The following BACE1 variants were observed in gnomAD, a reference collection of about 807,000 sequenced individuals.
BACE1 encodes the protein beta-secretase 1, also known as APP beta-secretase.
In BACE1, 21 loss-of-function variants were observed where a neutral mutation model predicts 54.0. That is an observed-to-expected ratio of 0.39 (90% CI 0.28 to 0.56). The LOEUF is 0.56. Among genes scored for constraint, BACE1 ranks in the 20% least tolerant of loss-of-function variants. The probability of loss-of-function intolerance (pLI) is 0.63; values close to 1 mark genes in which losing one functional copy is unlikely to be tolerated. For missense variants in BACE1, 511 were observed against 661.2 expected, an observed-to-expected ratio of 0.77 and a Z score of 2.49; for synonymous variants, 232 against 260.9, an observed-to-expected ratio of 0.89 and a Z score of 1.07.
chr11:117,304,041 T>G (rs1339615827), intron 1 of BACE1, among the ~76,000 whole-genome samples: 1 of 152,214 alleles, frequency 6.6e-6, no homozygotes, highest in Non-Finnish European at 1.5e-5. Flanking sequence ...GATAGATTGT[T>G]ATACTAATGA....
intron 1 of BACE1, among the ~76,000 whole-genome samples, chr11:117,300,003 T>TG (rs1329361692): frequency 2.0e-5 from 3 of 151,976 alleles, no homozygotes; most frequent in African/African-American, 4.8e-5. Context: ...AGCTTTGACC[T>TG]GGGGGCTCCT....
rs578168194 is a variant in BACE1, at chr11:117,300,017, G to A, written c.262-3056C>T. Among the ~76,000 whole-genome samples, 303 of 151,506 alleles carry A rather than the reference G, an allele frequency of 2.0e-3. 2 individuals are homozygous for A. Among genetic ancestry groups the A allele is most frequent in the African/African-American group, 7.1e-3 (291 of 41,274 alleles). Reference sequence around the variant, plus strand: ...GAGCTTTGACCTGGGGGCTCCTGCTGTCCCTGCCCCTCCCTGCCTCCCCCT... The same window carrying A: ...GAGCTTTGACCTGGGGGCTCCTGCTATCCCTGCCCCTCCCTGCCTCCCCCT... On this transcript the variant is annotated intron_variant, in intron 1 of 8. Coordinates refer to ENST00000313005, the MANE Select transcript of BACE1 (RefSeq NM_012104.6).
At position 117,290,988 on chromosome 11, in the gene BACE1, G is replaced by C. The variant is rs149860623; in HGVS notation, c.1004C>G (p.Thr335Ser). The change falls in exon 7 of 9, where the codon ACC (threonine) becomes AGC (serine). Residue 335 changes from threonine to serine, a missense_variant. Around this residue, in one of 2 missense-constraint regions of BACE1, gnomAD observed 407 missense variants for 565.7 expected, o/e 0.72. Coordinates refer to ENST00000313005, the MANE Select transcript of BACE1 (RefSeq NM_012104.6). ...GACTGGGAAAATGTTCCAAGGGGTG[G>C]TGCCTGCTTGCCAGCACACCAGCTG... Reference protein sequence around the residue: ...GEQLVCWQAGTTPWNIFPVIS... With the variant: ...GEQLVCWQAGSTPWNIFPVIS... The C allele has an allele frequency of 1.5e-5, 24 of 1,614,188 alleles. No individual in the cohort carries two copies. Among genetic ancestry groups the C allele is most frequent in the Non-Finnish European group, 1.9e-5 (23 of 1,180,028 alleles).
intron 2 of BACE1, among the ~76,000 whole-genome samples, chr11:117,295,938 T>C (rs1012701943): frequency 2.0e-5 from 3 of 152,202 alleles, no homozygotes; most frequent in African/African-American, 4.8e-5. Context: ...CCAGGGCTTC[T>C]GTGTGTGGTG....
At position 117,295,244 on chromosome 11, in the gene BACE1, G is replaced by C; in HGVS notation, c.454C>G (p.Pro152Ala). Reference sequence around the variant, plus strand: ...ATGTTGGCACGCACAGTGACGTTGGGGCCATGGGGGATGCTTACCAGGTCG... The same window carrying C: ...ATGTTGGCACGCACAGTGACGTTGGCGCCATGGGGGATGCTTACCAGGTCG... ...GTDLVSIPHG[P>A]NVTVRANIAA... The change falls in exon 3 of 9, where the codon CCC becomes GCC. Residue 152 changes from proline (P) to alanine (A), a missense_variant. Physicochemically the swap from Pro to Ala is conservative, Grantham distance 27. This residue lies in a region of BACE1 where 407 missense variants were observed against 565.7 expected (regional missense o/e 0.72). Transcript: ENST00000313005. 1 of 1,614,160 alleles carries C rather than the reference G, an allele frequency of 6.2e-7. No homozygotes were observed. Among genetic ancestry groups the C allele is most frequent in the South Asian group, 1.1e-5 (1 of 91,080 alleles).
At chr11:117,304,579 A>G (rs1016454982) in intron 1 of BACE1, among the ~76,000 whole-genome samples, 1 of 152,216 alleles carries the variant, frequency 6.6e-6, no homozygotes, top group Admixed American at 6.5e-5. Context: ...AAGTTTCCCG[A>G]AAGCACGATG....
chr11:117,307,529 C>G (rs1199322803), intron 1 of BACE1, among the ~76,000 whole-genome samples: 1 of 152,188 alleles, frequency 6.6e-6, no homozygotes, highest in African/African-American at 2.4e-5. Context: ...CCATGCTGGT[C>G]TTGAACTCCT....
chr11:117,307,866 TG>T (rs2034865035), intron 1 of BACE1, among the ~76,000 whole-genome samples: 3 of 152,294 alleles, frequency 2.0e-5, no homozygotes, highest in African/African-American at 7.2e-5. Flanking sequence ...TGGCAGGGAC[TG>T]GGTAGGCAAC....
chr11:117,310,388 T>C (rs2034919790), intron 1 of BACE1, among the ~76,000 whole-genome samples: 2 of 152,182 alleles, frequency 1.3e-5, no homozygotes, highest in African/African-American at 4.8e-5. Context: ...GAGAGGATAC[T>C]GCAAAATAAA....
intron 1 of BACE1, among the ~76,000 whole-genome samples, chr11:117,299,403 C>T (rs1313937121): frequency 6.6e-6 from 1 of 152,058 alleles, no homozygotes; most frequent in Non-Finnish European, 1.5e-5. Context: ...GATCACTGTG[C>T]TTCTCTGGAC....
intron 1 of BACE1, among the ~76,000 whole-genome samples, chr11:117,304,409 T>C (rs2034787158): frequency 6.6e-6 from 1 of 152,242 alleles, no homozygotes; most frequent in Non-Finnish European, 1.5e-5. Context: ...TGATTCTTGT[T>C]TGGGCCACTA....
chr11:117,310,938 C>A (rs191710767), intron 1 of BACE1, among the ~76,000 whole-genome samples: 1 of 151,818 alleles, frequency 6.6e-6, no homozygotes, highest in Non-Finnish European at 1.5e-5. Flanking sequence ...ACCTTTCAAC[C>A]CCATTTCTTC....
In BACE1 at chr11:117,291,818, G is replaced by A; in HGVS notation, c.841-5C>T. 6.3e-7 allele frequency: 1 copy of A among 1,599,168 alleles called. No individual in the cohort carries two copies. On this transcript the variant is annotated splice_region_variant and splice_polypyrimidine_tract_variant and intron_variant, in intron 5 of 8. Coordinates refer to ENST00000313005, the MANE Select transcript of BACE1 (RefSeq NM_012104.6). ...AATGCTCTTGTCATAGTTGTACTAA[G>A]AGGGAAAAGAGAGAGTTAAAAGAGT...
Position 117,296,951 on chromosome 11 carries a change from A to G in BACE1, c.272T>C (p.Leu91Pro). 6.2e-7 allele frequency: 1 copy of G among 1,613,754 alleles called. No homozygotes were observed. The highest frequency in any genetic ancestry group is 8.5e-7 in the Non-Finnish European group (1 of 1,179,790). The stretch of plus-strand genomic sequence containing the variant: ...AAAGTTACTGCTGCCTGTATCCACC[A>G]GGATGTTGAGCTGTCAGAGAAAGGG... Reference protein sequence around the residue: ...VGSPPQTLNILVDTGSSNFAV... With the variant: ...VGSPPQTLNIPVDTGSSNFAV... Residue 91 changes from leucine to proline, a missense_variant, in exon 2 of 9, where the codon CTG (leucine) becomes CCG (proline). Physicochemically the swap from Leu to Pro is moderately conservative, Grantham distance 98. Transcript: ENST00000313005.
intron 1 of BACE1, among the ~76,000 whole-genome samples, chr11:117,313,107 AC>A (rs2034989176): frequency 1.3e-5 from 2 of 152,218 alleles, no homozygotes; most frequent in Non-Finnish European, 2.9e-5. Context: ...TTTGGCACTT[AC>A]AACAGCCGCG....
At chr11:117,308,021 G>A (rs930803743) in intron 1 of BACE1, among the ~76,000 whole-genome samples, 1 of 139,090 alleles carries the variant, frequency 7.2e-6, no homozygotes, top group East Asian at 2.1e-4. Flanking sequence ...TAAAAGCAAA[G>A]TTATCCTGGG....
chr11:117,290,886 A>G lies in BACE1; in HGVS notation c.1092+14T>C. ...CTTTTAAGAGAGATCCCCCTGACTCAGGCTGGGACATACCTGCGGAAGGAT... is the reference window on the plus strand; with the variant it reads ...CTTTTAAGAGAGATCCCCCTGACTCGGGCTGGGACATACCTGCGGAAGGAT... On this transcript the variant is annotated intron_variant, in intron 7 of 8. Coordinates refer to ENST00000313005, the MANE Select transcript of BACE1 (RefSeq NM_012104.6). The G allele has an allele frequency of 6.2e-7, 1 of 1,612,350 alleles. No homozygotes were observed. Among genetic ancestry groups the G allele is most frequent in the Non-Finnish European group, 8.5e-7 (1 of 1,179,186 alleles).
In BACE1 at chr11:117,296,500, G is replaced by A. The variant is rs28989494; in HGVS notation, c.350+373C>T. On this transcript the variant is annotated intron_variant, in intron 2 of 8. Coordinates refer to ENST00000313005, the MANE Select transcript of BACE1 (RefSeq NM_012104.6). ...AGGCCTGTTCAGCTTAGACTTAGCTGGTGTTAGAGAACTGAGAGACACCGA... is the reference window on the plus strand; with the variant it reads ...AGGCCTGTTCAGCTTAGACTTAGCTAGTGTTAGAGAACTGAGAGACACCGA... Among the ~76,000 whole-genome samples, 871 of 152,224 alleles carry A rather than the reference G, an allele frequency of 5.7e-3. 8 individuals are homozygous for A. The highest frequency in any genetic ancestry group is 0.02 in the African/African-American group (833 of 41,532).
Position 117,289,434 on chromosome 11 carries a change from G to A in BACE1, c.*132C>T. On this transcript the variant is annotated 3_prime_UTR_variant, in exon 9 of 9. Transcript: ENST00000313005. ...AGCCTTTTCCTTCTCCATCAAGGCAGAGGCATTTGGTGGGTGGGGAGGGTC... is the reference window on the plus strand; with the variant it reads ...AGCCTTTTCCTTCTCCATCAAGGCAAAGGCATTTGGTGGGTGGGGAGGGTC... The A allele has an allele frequency of 7.0e-7, 1 of 1,418,450 alleles. No individual in the cohort carries two copies. The highest frequency in any genetic ancestry group is 9.4e-7 in the Non-Finnish European group (1 of 1,068,516). 87.9% of individuals were successfully genotyped at this position (1,418,450 alleles called of 1,614,324 possible). A position where few individuals can be genotyped will look rare whatever the true frequency, so the allele number is the denominator to read the frequency against.
Sources: allele counts gnomAD v4.1 joint callset (sites outside exome capture counted in the v4.1 genomes callset), GRCh38; gene constraint gnomAD v4.1.1; regional missense constraint gnomAD v4.1.1; transcripts MANE v1.5; gene names NCBI Gene and HGNC (gene_info 2026-07-23, HGNC 2026-07-21).